ASIC2: variants seen among roughly 807,000 people sequenced by gnomAD.
ASIC2 encodes acid-sensing ion channel 2.
A neutral mutation model predicts 57.3 loss-of-function variants in ASIC2; 25 were observed. The observed-to-expected ratio is 0.44, with a 90% CI of 0.32 to 0.61. The LOEUF (loss-of-function observed/expected upper bound fraction) is 0.61. Ranked by LOEUF, ASIC2 falls within the 20% of genes least tolerant of loss-of-function variation. The pLI is 0.06. For synonymous variants in ASIC2, 319 were observed against 307.5 expected (o/e 1.04, Z -0.39); for missense variants, 641 against 738.1 (o/e 0.87, Z 1.52).
chr17:33,031,009 G>A (rs1264400934), intron 3 of ASIC2, among the ~76,000 whole-genome samples: 1 of 152,130 alleles, frequency 6.6e-6, no homozygotes, highest in Admixed American at 6.5e-5. Flanking sequence ...GGTATTGGGA[G>A]TGTGCTGACC....
Position 33,465,553 on chromosome 17 carries a change from T to C in ASIC2, c.556-353486A>G, listed in dbSNP as rs192409294. 1.7e-3 allele frequency among the ~76,000 whole-genome samples: 255 copies of C among 152,162 alleles called. 1 individual carries two copies. The highest frequency in any genetic ancestry group is 6.8e-3 in the Middle Eastern group (2 of 294). On this transcript the variant is annotated intron_variant, in intron 1 of 9. Coordinates refer to the ASIC2 transcript ENST00000359872. ...CACACCCAGGTGAATTTTGTATTTT[T>C]AGTAGATACAGAGTTTCACCATGTT...
intron 1 of ASIC2, among the ~76,000 whole-genome samples, chr17:33,725,723 C>CT (rs1202380964): frequency 8.1e-5 from 2 of 24,830 alleles, no homozygotes; most frequent in Non-Finnish European, 1.7e-4. Context: ...ATTAAGAAAC[C>CT]CCCCCCCCCT....
chr17:33,667,631 T>C (rs549715659), intron 1 of ASIC2, among the ~76,000 whole-genome samples: 1 of 152,316 alleles, frequency 6.6e-6, no homozygotes, highest in South Asian at 2.1e-4. Context: ...TATGAAAACC[T>C]GTGTTAGTTC....
In ASIC2 at chr17:33,391,474, T is replaced by A. The variant is rs377407960; in HGVS notation, c.556-279407A>T. 1.6e-4 allele frequency among the ~76,000 whole-genome samples: 25 copies of A among 152,374 alleles called. No individual in the cohort carries two copies. The South Asian group carries it at 2.7e-3, about 16-fold the overall frequency. On this transcript the variant is annotated intron_variant, in intron 1 of 9. Coordinates refer to the ASIC2 transcript ENST00000359872. Reference sequence around the variant, plus strand: ...GAGGTCTGGTCCTGGCTTCTCTTAGTCCTCCCCCTGCACTAAGCAAAAAGT... The same window carrying A: ...GAGGTCTGGTCCTGGCTTCTCTTAGACCTCCCCCTGCACTAAGCAAAAAGT...
At position 33,912,279 on chromosome 17, in the gene ASIC2, G is replaced by A. The variant is rs34991200; in HGVS notation, c.555+243699C>T. ...AGGCTGAGGCATGTGGATCACCTGA[G>A]GTCAGGAGTTCGAGACCAGCCTGGC... On this transcript the variant is annotated intron_variant, in intron 1 of 9. Coordinates refer to the ASIC2 transcript ENST00000359872. 5.8e-3 allele frequency among the ~76,000 whole-genome samples: 880 copies of A among 151,976 alleles called. 7 individuals are homozygous for A. The highest frequency in any genetic ancestry group is 0.02 in the African/African-American group (839 of 41,410).
intron 1 of ASIC2, among the ~76,000 whole-genome samples, chr17:33,223,473 A>G (rs1907760615): frequency 6.6e-6 from 1 of 152,082 alleles, no homozygotes; most frequent in African/African-American, 2.4e-5. Flanking sequence ...GTGAGCCACC[A>G]TGCCCGGCCC....
intron 1 of ASIC2, among the ~76,000 whole-genome samples, chr17:33,872,916 C>A (rs1914456913): frequency 6.6e-6 from 1 of 152,086 alleles, no homozygotes; most frequent in African/African-American, 2.4e-5. Flanking sequence ...AAGGAGGGTT[C>A]CACAAGCCTG....
intron 5 of ASIC2, among the ~76,000 whole-genome samples, 174 bp from the exon 6 acceptor site, chr17:33,024,188 T>A (rs965199925): frequency 5.9e-5 from 9 of 152,184 alleles, no homozygotes; most frequent in African/African-American, 2.2e-4. Flanking sequence ...TGTAGGTTGA[T>A]CTTGTTTTCC....
At chr17:33,039,315 G>T (rs1219087322) in intron 3 of ASIC2, among the ~76,000 whole-genome samples, 1 of 152,182 alleles carries the variant, frequency 6.6e-6, no homozygotes, top group East Asian at 1.9e-4. Flanking sequence ...CCCAGGTGGA[G>T]GTCAGGATCC....
chr17:34,078,408 G>T (rs995927835), intron 1 of ASIC2, among the ~76,000 whole-genome samples: 1 of 152,076 alleles, frequency 6.6e-6, no homozygotes, highest in South Asian at 2.1e-4. Context: ...AGAACATAGC[G>T]AATATAACGA....
At chr17:33,468,628 C>T (rs746885548) in intron 1 of ASIC2, among the ~76,000 whole-genome samples, 2 of 151,908 alleles carry the variant, frequency 1.3e-5, no homozygotes, top group Middle Eastern at 3.4e-3. Flanking sequence ...TTAATCCTCA[C>T]CACAACTTTA....
At chr17:33,335,526 G>A (rs527383888) in intron 1 of ASIC2, among the ~76,000 whole-genome samples, 6 of 152,026 alleles carry the variant, frequency 3.9e-5, no homozygotes, top group Admixed American at 3.3e-4. Context: ...GGGCTTCAAA[G>A]TATAGGCATA....
chr17:33,983,339 CT>C (rs1411933158), intron 1 of ASIC2, among the ~76,000 whole-genome samples: 1 of 152,144 alleles, frequency 6.6e-6, no homozygotes, highest in African/African-American at 2.4e-5. Flanking sequence ...CTGGATGAGT[CT>C]TAATCTCAGT....
At chr17:33,068,142 C>CT (rs901941843) in intron 3 of ASIC2, among the ~76,000 whole-genome samples, 50 of 152,122 alleles carry the variant, frequency 3.3e-4, no homozygotes, top group African/African-American at 1.1e-3. Context: ...GTGACTGGAC[C>CT]TGGGGGGGTG....
intron 1 of ASIC2, among the ~76,000 whole-genome samples, chr17:33,863,139 T>A (rs1914139790): frequency 6.6e-6 from 1 of 152,194 alleles, no homozygotes; most frequent in Non-Finnish European, 1.5e-5. Context: ...TGATCTGTCT[T>A]GAATATCTGT....
At chr17:33,989,023 A>G (rs1445339140) in intron 1 of ASIC2, among the ~76,000 whole-genome samples, 2 of 151,974 alleles carry the variant, frequency 1.3e-5, no homozygotes, top group South Asian at 2.1e-4. Context: ...TTTTCCTGCA[A>G]TTTCTCCTTA....
chr17:33,309,520 C>T (rs967502274), intron 1 of ASIC2, among the ~76,000 whole-genome samples: 5 of 152,078 alleles, frequency 3.3e-5, no homozygotes, highest in Non-Finnish European at 7.4e-5. Context: ...CTTAGTCTGT[C>T]CCAAACTGAA....
At chr17:33,949,545 TTCTTA>T (rs1478170671) in intron 1 of ASIC2, among the ~76,000 whole-genome samples, 2 of 150,392 alleles carry the variant, frequency 1.3e-5, no homozygotes, top group Non-Finnish European at 3.0e-5. Flanking sequence ...TGTCTATGAT[TTCTTA>T]TTTTATTCCA....
intron 3 of ASIC2, among the ~76,000 whole-genome samples, chr17:33,076,227 C>T (rs958087724): frequency 6.6e-6 from 1 of 152,170 alleles, no homozygotes. Flanking sequence ...AGCCATAGGC[C>T]TCTTGCTATG....
Sources: gnomAD v4.1 joint callset for allele counts (sites outside exome capture counted in the v4.1 genomes callset) on GRCh38, gnomAD v4.1.1 for gene constraint, MANE v1.5 for transcripts, NCBI Gene and HGNC (gene_info 2026-07-23, HGNC 2026-07-21) for gene names.